CTDSPL: variants seen among roughly 807,000 people sequenced by gnomAD.
CTDSPL encodes the protein CTD small phosphatase-like protein.
CTDSPL carries 8 observed loss-of-function variants against 30.5 expected under a neutral mutation model. That is an observed-to-expected ratio of 0.26 (90% CI 0.15 to 0.47). CTDSPL has a LOEUF of 0.47. Among genes scored for constraint, CTDSPL ranks in the 20% least tolerant of loss-of-function variants. The pLI, the probability that CTDSPL is intolerant of heterozygous loss-of-function variation, is 0.99. For synonymous variants in CTDSPL, 110 were observed against 137.9 expected, an observed-to-expected ratio of 0.80 and a Z score of 1.42; for missense variants, 248 against 366.1, an observed-to-expected ratio of 0.68 and a Z score of 2.63.
chr3:37,951,060 TACAATTATTAA>T (rs1194200186), intron 2 of CTDSPL, among the ~76,000 whole-genome samples: 1 of 152,178 alleles, frequency 6.6e-6, no homozygotes, highest in East Asian at 1.9e-4. Context: ...TCAGTTATGA[TACAATTATTAA>T]AAATGTTAGA....
chr3:37,974,413 G>A (rs1278553623), intron 6 of CTDSPL, among the ~76,000 whole-genome samples: 6 of 152,180 alleles, frequency 3.9e-5, no homozygotes, highest in Admixed American at 6.5e-5. Context: ...CCTTCCCAGC[G>A]CCACCAGCCA....
intron 2 of CTDSPL, among the ~76,000 whole-genome samples, chr3:37,953,533 C>T (rs1275237878): frequency 1.3e-5 from 2 of 152,074 alleles, no homozygotes; most frequent in African/African-American, 4.8e-5. Flanking sequence ...GTGACAGTTT[C>T]TGACATAACA....
rs973388808 is a variant in CTDSPL, at chr3:37,981,054, T to C, written c.*187T>C. ...AAACAACTATTTTAAAAGAACTCTT[T>C]TAAGAAATTTCATAAAGGGACATGC... On this transcript the variant is annotated 3_prime_UTR_variant, in exon 8 of 8. Transcript: ENST00000273179. 7.3e-6 allele frequency: 4 copies of C among 547,782 alleles called. No homozygotes were observed. In the Admixed American group the frequency reaches 1.3e-4, roughly 17 times the overall value. The allele number at this position is 547,782 out of a possible 1,614,324, so 33.9% of individuals were successfully genotyped here. A position where few individuals can be genotyped will look rare whatever the true frequency, so the allele number is the denominator to read the frequency against.
intron 1 of CTDSPL, among the ~76,000 whole-genome samples, chr3:37,941,257 C>A (rs1037374595): frequency 1.3e-5 from 2 of 150,068 alleles, no homozygotes; most frequent in Non-Finnish European, 3.0e-5. Context: ...TCTACTCCAC[C>A]CGAGTTTGTG....
rs1309114434 is a variant in CTDSPL at position 37,862,266 on chromosome 3, G to T, written c.67G>T (p.Ala23Ser). 2 of 1,495,254 alleles carry T rather than the reference G, an allele frequency of 1.3e-6. No homozygotes were observed. Among genetic ancestry groups the T allele is most frequent in the African/African-American group, 2.9e-5 (2 of 68,408 alleles). The allele number at this position is 1,495,254 out of a possible 1,614,324, so 92.6% of individuals were successfully genotyped here. A position where few individuals can be genotyped will look rare whatever the true frequency, so the allele number is the denominator to read the frequency against. Residue 23 changes from alanine to serine, a missense_variant, in exon 1 of 8, where the codon GCG becomes TCG. Ala to Ser is a moderately conservative substitution (Grantham distance 99). Transcript: ENST00000273179. The surrounding 1 kb of genome is among the most constrained non-coding windows in gnomAD (Gnocchi z 4.3). Reference sequence around the variant, plus strand: ...GGAGGACGAGGGCCGGTTGCCGGGCGCGGGCGAGAAAGGTGAGGAGGGGCG... The same window carrying T: ...GGAGGACGAGGGCCGGTTGCCGGGCTCGGGCGAGAAAGGTGAGGAGGGGCG... Reference protein sequence around the residue: ...PKEDEGRLPGAGEKASQCNVS... With the variant: ...PKEDEGRLPGSGEKASQCNVS...
chr3:37,919,393 A>C (rs1698687990), intron 1 of CTDSPL, among the ~76,000 whole-genome samples: 1 of 152,172 alleles, frequency 6.6e-6, no homozygotes, highest in South Asian at 2.1e-4. Context: ...TCTCAGAAAA[A>C]CAGTATTGGA....
At chr3:37,876,898 G>C (rs1698140894) in intron 1 of CTDSPL, among the ~76,000 whole-genome samples, 1 of 151,776 alleles carries the variant, frequency 6.6e-6, no homozygotes, top group Non-Finnish European at 1.5e-5. Context: ...ACGAGGTCAG[G>C]AGTTCAAGAC....
chr3:37,903,915 C>T lies in CTDSPL; in HGVS notation c.79+41637C>T, dbSNP rs533596535. Among the ~76,000 whole-genome samples, 17 of 152,298 alleles carry T rather than the reference C, an allele frequency of 1.1e-4. No individual in the cohort carries two copies. The South Asian group carries it at 2.3e-3, about 20-fold the overall frequency. On this transcript the variant is annotated intron_variant, in intron 1 of 7. Coordinates refer to ENST00000273179, the MANE Select transcript of CTDSPL (RefSeq NM_001008392.2). ...AGGTCACCAGGCCAGCCTTTACTGC[C>T]GCTGCCACCAGGTTACTGACTTATT... is the stretch of plus-strand genomic sequence containing the variant.
chr3:37,909,857 ATGTAAAGG>A (rs886643280), intron 1 of CTDSPL, among the ~76,000 whole-genome samples: 15 of 152,344 alleles, frequency 9.8e-5, no homozygotes, highest in African/African-American at 3.4e-4. Context: ...ACTAATGCTA[ATGTAAAGG>A]TGTGTTGATT....
intron 1 of CTDSPL, among the ~76,000 whole-genome samples, chr3:37,871,903 G>C (rs536279955): frequency 2.6e-5 from 4 of 151,940 alleles, no homozygotes; most frequent in Non-Finnish European, 5.9e-5. Flanking sequence ...GTCTGTTATT[G>C]AGCACATCCA....
intron 1 of CTDSPL, among the ~76,000 whole-genome samples, chr3:37,868,524 C>G (rs914347156): frequency 3.3e-5 from 5 of 151,746 alleles, no homozygotes; most frequent in Non-Finnish European, 5.9e-5. Context: ...ACGCTTTTTC[C>G]AAGTTTTATA....
At chr3:37,949,938 C>T (rs1349517962) in intron 2 of CTDSPL, among the ~76,000 whole-genome samples, 2 of 152,190 alleles carry the variant, frequency 1.3e-5, no homozygotes, top group African/African-American at 2.4e-5. Context: ...GAACCGCCAA[C>T]AGAGGAAAAT....
chr3:37,974,829 G>A (rs1261343063), intron 6 of CTDSPL, among the ~76,000 whole-genome samples: 2 of 152,166 alleles, frequency 1.3e-5, no homozygotes, highest in Non-Finnish European at 2.9e-5. Context: ...GGACCTCTAG[G>A]GGGCAGTGTC....
chr3:37,880,864 A>G (rs547754936), intron 1 of CTDSPL, among the ~76,000 whole-genome samples: 1 of 152,308 alleles, frequency 6.6e-6, no homozygotes, highest in Admixed American at 6.5e-5. Flanking sequence ...ACTACTTTAG[A>G]TAGAAAGGAG....
rs949894850 is a variant in CTDSPL at position 37,862,893 on chromosome 3, C to T, written c.79+615C>T. On this transcript the variant is annotated intron_variant, in intron 1 of 7. Coordinates refer to ENST00000273179, the MANE Select transcript of CTDSPL (RefSeq NM_001008392.2). This position sits in a 1 kb window ranked among gnomAD's most constrained non-coding sequence, Gnocchi z 4.3. ...TTGTGTGACTACACCACCCAACTGG[C>T]GGATTGAATGTGTTGTATACATCTA... Among the ~76,000 whole-genome samples, 9 of 151,984 alleles carry T rather than the reference C, an allele frequency of 5.9e-5. No individual in the cohort carries two copies. The highest frequency in any genetic ancestry group is 8.8e-5 in the Non-Finnish European group (6 of 68,006).
In CTDSPL at chr3:37,892,682, C is replaced by T. The variant is rs9875600; in HGVS notation, c.79+30404C>T. 2.0e-3 allele frequency among the ~76,000 whole-genome samples: 308 copies of T among 152,240 alleles called. 1 individual carries two copies. The highest frequency in any genetic ancestry group is 7.1e-3 in the African/African-American group (293 of 41,552). ...AACTGAGTGTTCTTATGGTGTCCCT[C>T]CAAAGCCACGTGACCATAAGCAGTT... On this transcript the variant is annotated intron_variant, in intron 1 of 7. Coordinates refer to ENST00000273179, the MANE Select transcript of CTDSPL (RefSeq NM_001008392.2).
At chr3:37,960,081 G>A (rs781652836) in intron 3 of CTDSPL, among the ~76,000 whole-genome samples, 2 of 151,832 alleles carry the variant, frequency 1.3e-5, no homozygotes, top group Non-Finnish European at 2.9e-5. Flanking sequence ...GGCCGGGTGC[G>A]GTGGCTCACA....
intron 5 of CTDSPL, among the ~76,000 whole-genome samples, chr3:37,968,680 G>A (rs182080676): frequency 4.8e-4 from 73 of 152,260 alleles, no homozygotes; most frequent in African/African-American, 1.6e-3. Context: ...GAGCCACAAC[G>A]GGATGTCTTT....
Position 37,956,259 on chromosome 3 carries a change from G to A in CTDSPL, c.235-852G>A, listed in dbSNP as rs144170522. ...GAGCCATCAGGTTTGGCCCCTTCAC[G>A]TGAGACCTCATTATCACTGTAACCC... On this transcript the variant is annotated intron_variant, in intron 2 of 7. Coordinates refer to ENST00000273179, the MANE Select transcript of CTDSPL (RefSeq NM_001008392.2). Among the ~76,000 whole-genome samples the A allele has an allele frequency of 4.0e-4, 61 of 152,318 alleles. 1 individual carries two copies. The highest frequency in any genetic ancestry group is 1.3e-3 in the African/African-American group (54 of 41,558).
Sources: gnomAD v4.1 joint callset for allele counts (sites outside exome capture counted in the v4.1 genomes callset) on GRCh38, gnomAD v4.1.1 for gene constraint, Gnocchi (gnomAD v3.1) non-coding constraint, MANE v1.5 for transcripts, NCBI Gene and HGNC (gene_info 2026-07-23, HGNC 2026-07-21) for gene names.